Variants in SH3BGR observed in about 807,000 individuals in gnomAD.
SH3BGR encodes the protein SH3 domain binding glutamate rich protein, also known as SH3 domain-binding glutamic acid-rich protein.
A neutral mutation model predicts 24.5 loss-of-function variants in SH3BGR; 29 were observed. That is an observed-to-expected ratio of 1.18 (90% CI 0.88 to 1.61). The LOEUF (loss-of-function observed/expected upper bound fraction) is 1.61, where lower values mean the gene tolerates loss of function less well. SH3BGR is among the 40% of genes most tolerant of loss of function. The pLI is 0.00. For synonymous variants in SH3BGR, 55 were observed against 65.7 expected (o/e 0.84, Z 0.79); for missense variants, 162 against 205.8 (o/e 0.79, Z 1.30).
chr21:39,475,623 C>T (rs188386090), intron 3 of SH3BGR, among the ~76,000 whole-genome samples: 48 of 152,262 alleles, frequency 3.2e-4, no homozygotes, highest in Admixed American at 1.3e-3. Context: ...TACATTATTT[C>T]TATTTAAATG....
chr21:39,485,515 C>T (rs17406216), intron 3 of SH3BGR, among the ~76,000 whole-genome samples: 5,023 of 152,060 alleles, frequency 0.033, 87 homozygotes, highest in Middle Eastern at 0.071. Flanking sequence ...AACAGTATTC[C>T]AGACAAAAAT....
At chr21:39,500,056 T>C (rs1190002537) in intron 4 of SH3BGR, 141 bp downstream of exon 4, 2 of 637,274 alleles carry the variant, frequency 3.1e-6, no homozygotes, top group African/African-American at 3.7e-5. Context: ...AGGAAGCAAG[T>C]AATTTCTACT....
rs2078466907 is a variant in SH3BGR at position 39,499,995 on chromosome 21, C to G, written c.405+80C>G. The G allele has an allele frequency of 8.8e-6, 9 of 1,027,470 alleles. No homozygotes were observed. The Admixed American group carries it at 1.4e-4, about 17-fold the overall frequency. The allele number at this position is 1,027,470 out of a possible 1,614,324, so 63.6% of individuals were successfully genotyped here. On this transcript the variant is annotated intron_variant, in intron 4 of 6. Coordinates refer to ENST00000333634, the MANE Select transcript of SH3BGR (RefSeq NM_007341.3). ...TTTACAGGGCTTGTACAACTTGACT[C>G]TGGGCACAAGCAGTCAGAAAGAGGG...
chr21:39,505,357 C>T (rs1416593950), intron 4 of SH3BGR, among the ~76,000 whole-genome samples: 1 of 152,172 alleles, frequency 6.6e-6, no homozygotes, highest in Non-Finnish European at 1.5e-5. Context: ...CTTACTTATC[C>T]TTTCGAGGCT....
At chr21:39,449,410 G>C (rs558350592), upstream of SH3BGR, among the ~76,000 whole-genome samples, 1 of 152,296 alleles carries the variant, frequency 6.6e-6, no homozygotes, top group East Asian at 1.9e-4. Context: ...GATGTTGAAT[G>C]GTTGGCTGCT....
intron 3 of SH3BGR, among the ~76,000 whole-genome samples, chr21:39,482,197 G>A (rs1298624207): frequency 6.6e-6 from 1 of 152,174 alleles, no homozygotes; most frequent in African/African-American, 2.4e-5. Context: ...AGAGGAGCAA[G>A]TTAAATAATA....
intron 2 of SH3BGR, among the ~76,000 whole-genome samples, chr21:39,474,890 G>GGT (rs3830679): frequency 0.88 from 133,116 of 150,444 alleles, 58,869 homozygotes; most frequent in Middle Eastern, 0.9. Flanking sequence ...CATGGGTAGG[G>GGT]GTGTGTGTGT....
intron 2 of SH3BGR, among the ~76,000 whole-genome samples, chr21:39,474,096 T>C (rs2077988069): frequency 1.3e-5 from 2 of 152,008 alleles, no homozygotes; most frequent in African/African-American, 4.8e-5. Context: ...GCCTCCCAAG[T>C]AGCTGGGACC....
At chr21:39,453,948 GTTA>G (rs779303575) in intron 1 of SH3BGR, among the ~76,000 whole-genome samples, 25 of 152,172 alleles carry the variant, frequency 1.6e-4, no homozygotes, top group Middle Eastern at 6.8e-3. Context: ...TACTATAATT[GTTA>G]TTATTAGTTA....
chr21:39,494,994 A>AT (rs1005478876), intron 3 of SH3BGR, among the ~76,000 whole-genome samples: 13 of 151,420 alleles, frequency 8.6e-5, no homozygotes, highest in Admixed American at 6.6e-4. Flanking sequence ...CAGTCTAGTA[A>AT]TTTTTTTATT....
At chr21:39,475,995 C>G (rs2078021456) in intron 3 of SH3BGR, among the ~76,000 whole-genome samples, 1 of 152,176 alleles carries the variant, frequency 6.6e-6, no homozygotes, top group African/African-American at 2.4e-5. Context: ...TGATCTGTGT[C>G]TCTGCAAAGT....
chr21:39,494,567 T>G (rs1253856689), intron 3 of SH3BGR, among the ~76,000 whole-genome samples: 1 of 152,110 alleles, frequency 6.6e-6, no homozygotes, highest in Non-Finnish European at 1.5e-5. Flanking sequence ...TCTCCATAGT[T>G]TCTGATGAGA....
intron 3 of SH3BGR, among the ~76,000 whole-genome samples, chr21:39,479,218 T>C (rs1252861411): frequency 2.7e-5 from 4 of 148,112 alleles, no homozygotes; most frequent in African/African-American, 1.0e-4. Context: ...GTGGTGGAGG[T>C]GGTAAGGGTG....
intron 3 of SH3BGR, among the ~76,000 whole-genome samples, chr21:39,484,463 A>G (rs1277527276): frequency 6.6e-6 from 1 of 152,244 alleles, no homozygotes; most frequent in Non-Finnish European, 1.5e-5. Context: ...ATCTATTTAT[A>G]CTAATACGTA....
chr21:39,466,153 A>G (rs1340181706), intron 2 of SH3BGR, among the ~76,000 whole-genome samples: 1 of 152,190 alleles, frequency 6.6e-6, no homozygotes, highest in Non-Finnish European at 1.5e-5. Flanking sequence ...CCTCTGTTGC[A>G]GTTGTACTAG....
intron 2 of SH3BGR, among the ~76,000 whole-genome samples, chr21:39,468,701 C>T (rs9981674): frequency 0.055 from 8,301 of 152,286 alleles, 331 homozygotes; most frequent in East Asian, 0.15. Context: ...GACCCCCCAA[C>T]GTGCTGGGAT....
At chr21:39,451,798 C>T (rs763744777), upstream of SH3BGR, 87 of 1,206,878 alleles carry the variant, frequency 7.2e-5, no homozygotes, top group Non-Finnish European at 9.3e-5. Context: ...ACTGTTGTCG[C>T]GCGTTTAAAG....
intron 3 of SH3BGR, among the ~76,000 whole-genome samples, chr21:39,493,554 C>T (rs971726257): frequency 5.3e-5 from 8 of 152,100 alleles, no homozygotes; most frequent in Non-Finnish European, 1.2e-4. Flanking sequence ...AACATGATGC[C>T]TCCAGATTTG....
At chr21:39,453,501 A>G (rs570836842) in intron 1 of SH3BGR, among the ~76,000 whole-genome samples, 1 of 152,282 alleles carries the variant, frequency 6.6e-6, no homozygotes, top group African/African-American at 2.4e-5. Context: ...CCAGTCCTCT[A>G]TATATTCTGT....
Sources: allele counts gnomAD v4.1 joint callset (sites outside exome capture counted in the v4.1 genomes callset), GRCh38; gene constraint gnomAD v4.1.1; transcripts MANE v1.5; gene names NCBI Gene and HGNC (gene_info 2026-07-23, HGNC 2026-07-21).